Variants in GLG1 observed in about 807,000 individuals in gnomAD.
GLG1 encodes golgi glycoprotein 1.
A neutral mutation model predicts 160.5 loss-of-function variants in GLG1; 38 were observed. That is an observed-to-expected ratio of 0.24 (90% CI 0.18 to 0.31). The LOEUF (loss-of-function observed/expected upper bound fraction) is 0.31, where lower values mean the gene tolerates loss of function less well. Among genes scored for constraint, GLG1 ranks in the 10% least tolerant of loss-of-function variants. GLG1 has a pLI of 1.00. For missense variants in GLG1, 1,373 were observed against 1,505.2 expected (o/e 0.91, Z 1.45); for synonymous variants, 644 against 543.4 (o/e 1.19, Z -2.57).
intron 11 of GLG1, 32 bp from the exon 12 acceptor site, chr16:74,477,565 A>G: frequency 6.3e-7 from 1 of 1,581,526 alleles, no homozygotes; most frequent in Middle Eastern, 1.7e-4. Context: ...AAATACTTGA[A>G]AGGTAACAAA....
chr16:74,573,348 T>C (rs1251464489), intron 1 of GLG1, among the ~76,000 whole-genome samples: 1 of 152,046 alleles, frequency 6.6e-6, no homozygotes, highest in African/African-American at 2.4e-5. Context: ...TTTTAAAAAT[T>C]GCTTTTTAAG....
intron 7 of GLG1, among the ~76,000 whole-genome samples, chr16:74,491,475 C>G (rs969594848): frequency 2.0e-5 from 3 of 152,074 alleles, no homozygotes; most frequent in Non-Finnish European, 4.4e-5. Context: ...ATGCTTTGCC[C>G]ATGGAAATCC....
intron 1 of GLG1, among the ~76,000 whole-genome samples, chr16:74,558,179 G>A (rs755183538): frequency 6.6e-6 from 1 of 152,160 alleles, no homozygotes; most frequent in Non-Finnish European, 1.5e-5. Context: ...GTGTTCACCA[G>A]CTGACAAACT....
chr16:74,598,592 T>G (rs1352541164), intron 1 of GLG1, among the ~76,000 whole-genome samples: 1 of 150,466 alleles, frequency 6.6e-6, no homozygotes, highest in African/African-American at 2.4e-5. Flanking sequence ...AACTGCTGCT[T>G]TTAAAAATAT....
intron 1 of GLG1, among the ~76,000 whole-genome samples, chr16:74,546,881 CAT>C (rs969989685): frequency 4.4e-4 from 52 of 119,138 alleles, no homozygotes; most frequent in Middle Eastern, 5.6e-3. Flanking sequence ...AAGTGGGTAA[CAT>C]GTGATAATTT....
chr16:74,606,837 C>T lies in GLG1; in HGVS notation c.258G>A (p.Gln86=). 1.9e-6 allele frequency: 3 copies of T among 1,599,352 alleles called. No individual in the cohort carries two copies. Among genetic ancestry groups the T allele is most frequent in the African/African-American group, 1.3e-5 (1 of 74,768 alleles). ...QQQQQQQQQP[Q]PPQPPFPAGG... is the part of the protein sequence containing the mutation. ...CCGCCGGGAAAGGCGGCTGCGGCGGCTGAGGCTGCTGTTGCTGTTGCTGCT... is the reference window on the plus strand; with the variant it reads ...CCGCCGGGAAAGGCGGCTGCGGCGGTTGAGGCTGCTGTTGCTGTTGCTGCT... The change falls in exon 1 of 26, where the codon CAG becomes CAA. Residue 86 remains glutamine, a synonymous_variant. Transcript: ENST00000422840.
At chr16:74,514,741 G>A (rs562658142) in intron 2 of GLG1, among the ~76,000 whole-genome samples, 6 of 152,116 alleles carry the variant, frequency 3.9e-5, no homozygotes, top group South Asian at 2.1e-4. Flanking sequence ...ATTAACGGTC[G>A]AAATAACCAG....
intron 18 of GLG1, among the ~76,000 whole-genome samples, chr16:74,466,066 G>A (rs1008947126): frequency 6.6e-6 from 1 of 152,136 alleles, no homozygotes; most frequent in Non-Finnish European, 1.5e-5. Context: ...ACACACCCAC[G>A]ATTTCTGGTT....
intron 2 of GLG1, among the ~76,000 whole-genome samples, chr16:74,519,597 G>A (rs1023610772): frequency 6.7e-6 from 1 of 148,818 alleles, no homozygotes. Context: ...TCTATAGCTC[G>A]TTTAATCTAC....
At chr16:74,503,837 G>A (rs1194269253) in intron 3 of GLG1, 91 bp from the exon 4 acceptor site, 1 of 835,166 alleles carries the variant, frequency 1.2e-6, no homozygotes, top group Non-Finnish European at 1.9e-6. Context: ...AAATTTTCCT[G>A]TTGATTTCCT....
At chr16:74,600,731 CAA>C (rs56122377) in intron 1 of GLG1, among the ~76,000 whole-genome samples, 78,818 of 112,432 alleles carry the variant, frequency 0.7, 25,618 homozygotes, top group African/African-American at 0.79. Flanking sequence ...GATTCCACCT[CAA>C]AAAAAAAAAA....
In GLG1 at chr16:74,453,137, T is replaced by TA; in HGVS notation, c.*29dup. On this transcript the variant is annotated 3_prime_UTR_variant, in exon 26 of 26. Coordinates refer to ENST00000422840, the MANE Select transcript of GLG1 (RefSeq NM_001145667.2). Reference sequence around the variant, plus strand: ...AGGGCTGTACAAACTGGGCACTGGATAGGTAGTTCCTTTGGTGGTCAAGGT... The same window carrying TA: ...AGGGCTGTACAAACTGGGCACTGGATAAGGTAGTTCCTTTGGTGGTCAAGGT... 1.9e-6 allele frequency: 3 copies of TA among 1,609,636 alleles called. No individual in the cohort carries two copies. The highest frequency in any genetic ancestry group is 2.5e-6 in the Non-Finnish European group (3 of 1,177,416).
Position 74,452,364 on chromosome 16 carries a change from T to A in GLG1, c.*803A>T. 4 of 1,355,864 alleles carry A rather than the reference T, an allele frequency of 3.0e-6. No individual in the cohort carries two copies. The highest frequency in any genetic ancestry group is 3.8e-6 in the Non-Finnish European group (4 of 1,049,708). 84.0% of individuals were successfully genotyped at this position (1,355,864 alleles called of 1,614,324 possible). On this transcript the variant is annotated 3_prime_UTR_variant, in exon 26 of 26. Transcript: ENST00000422840. ...CTGCCCCGGGACTCAGGATCCAGCCTCTCAGTGCAGATGGATGGACTGTTC... is the reference window on the plus strand; with the variant it reads ...CTGCCCCGGGACTCAGGATCCAGCCACTCAGTGCAGATGGATGGACTGTTC...
chr16:74,596,215 C>G (rs987339956), intron 1 of GLG1, among the ~76,000 whole-genome samples: 2 of 151,716 alleles, frequency 1.3e-5, no homozygotes, highest in African/African-American at 2.4e-5. Context: ...GAGCGAGACT[C>G]TGTCTCAAAA....
intron 3 of GLG1, among the ~76,000 whole-genome samples, chr16:74,505,735 G>C (rs1405008005): frequency 6.6e-6 from 1 of 152,148 alleles, no homozygotes; most frequent in Non-Finnish European, 1.5e-5. Context: ...TGCGCCTGTA[G>C]TCCCAGCTAC....
chr16:74,459,793 T>C lies in GLG1; in HGVS notation c.3037-4A>G, dbSNP rs374681798. The C allele has an allele frequency of 3.3e-6, 5 of 1,516,648 alleles. No individual in the cohort carries two copies. Among genetic ancestry groups the C allele is most frequent in the Middle Eastern group, 1.7e-4 (1 of 5,810 alleles). 93.9% of individuals were successfully genotyped at this position (1,516,648 alleles called of 1,614,324 possible). A position where few individuals can be genotyped will look rare whatever the true frequency, so the allele number is the denominator to read the frequency against. ...CTTCAGCACATAGACTGGAGATCTG[T>C]TCAGGAGACACAAAAAACAAAGCTA... is the stretch of plus-strand genomic sequence containing the variant. On this transcript the variant is annotated splice_polypyrimidine_tract_variant and splice_region_variant and intron_variant, in intron 22 of 25. Coordinates refer to ENST00000422840, the MANE Select transcript of GLG1 (RefSeq NM_001145667.2).
At chr16:74,502,471 T>C (rs2016440046) in intron 4 of GLG1, among the ~76,000 whole-genome samples, 2 of 152,162 alleles carry the variant, frequency 1.3e-5, no homozygotes, top group Non-Finnish European at 2.9e-5. Flanking sequence ...TCCAACTAAC[T>C]AGAAGTACCT....
chr16:74,466,619 C>G (rs2015009684), intron 18 of GLG1, among the ~76,000 whole-genome samples: 1 of 151,992 alleles, frequency 6.6e-6, no homozygotes, highest in South Asian at 2.1e-4. Flanking sequence ...GGTAATAGAG[C>G]AATCAAAACA....
rs1471927598 is a variant in GLG1 at position 74,583,271 on chromosome 16, T to A, written c.438+23386A>T. Reference sequence around the variant, plus strand: ...TAAAATTTAGACTCAGTTCAAGAGTTAGTTCCAAGTTTATATCCTCTTACT... The same window carrying A: ...TAAAATTTAGACTCAGTTCAAGAGTAAGTTCCAAGTTTATATCCTCTTACT... On this transcript the variant is annotated intron_variant, in intron 1 of 25. Transcript: ENST00000422840. Among the ~76,000 whole-genome samples, 5 of 152,216 alleles carry A rather than the reference T, an allele frequency of 3.3e-5. No homozygotes were observed. In the East Asian group the frequency reaches 9.6e-4, roughly 29 times the overall value.
Sources: allele counts gnomAD v4.1 joint callset (sites outside exome capture counted in the v4.1 genomes callset), GRCh38; gene constraint gnomAD v4.1.1; transcripts MANE v1.5; gene names NCBI Gene and HGNC (gene_info 2026-07-23, HGNC 2026-07-21).